Variants in IKZF2 observed in about 807,000 individuals in gnomAD.
IKZF2 encodes the protein zinc finger protein Helios.
IKZF2 carries 15 observed loss-of-function variants against 49.2 expected under a neutral mutation model. The observed-to-expected ratio is 0.30, with a 90% confidence interval of 0.20 to 0.47. The LOEUF (loss-of-function observed/expected upper bound fraction) is 0.47. Among genes scored for constraint, IKZF2 ranks in the 20% least tolerant of loss-of-function variants. The pLI, the probability that IKZF2 is intolerant of heterozygous loss-of-function variation, is 1.00. For synonymous variants in IKZF2, 227 were observed against 221.4 expected (o/e 1.03, Z -0.23); for missense variants, 567 against 664.6 (o/e 0.85, Z 1.61).
chr2:213,016,771 G>C (rs921819333), intron 7 of IKZF2, among the ~76,000 whole-genome samples: 2 of 152,014 alleles, frequency 1.3e-5, no homozygotes, highest in Non-Finnish European at 2.9e-5. Context: ...AAAACCATAA[G>C]TGTATTCCCA....
chr2:213,136,202 T>C (rs1159104140), intron 4 of IKZF2, among the ~76,000 whole-genome samples: 1 of 149,626 alleles, frequency 6.7e-6, no homozygotes, highest in African/African-American at 2.5e-5. Context: ...AAACCCTGTC[T>C]ACACTAAAAA....
At chr2:213,041,688 C>T (rs1477197396) in intron 6 of IKZF2, among the ~76,000 whole-genome samples, 3 of 152,036 alleles carry the variant, frequency 2.0e-5, no homozygotes, top group Non-Finnish European at 4.4e-5. Flanking sequence ...TCTCCTTCCC[C>T]TTCTTAAAAT....
At position 213,049,707 on chromosome 2, in the gene IKZF2, A is replaced by G. The variant is rs1700501538; in HGVS notation, c.574+6T>C. ...CTTTTCTTCTCAAGGAGTTGGTGAC[A>G]CTTACCAGAATGGGTCCTGAGGTGT... On this transcript the variant is annotated splice_donor_region_variant and intron_variant, in intron 6 of 8. Transcript: ENST00000434687. The G allele has an allele frequency of 6.5e-7, 1 of 1,550,072 alleles. No homozygotes were observed. The highest frequency in any genetic ancestry group is 8.7e-7 in the Non-Finnish European group (1 of 1,145,158).
At chr2:213,098,997 C>T (rs947597296) in intron 4 of IKZF2, among the ~76,000 whole-genome samples, 5 of 152,128 alleles carry the variant, frequency 3.3e-5, no homozygotes, top group Admixed American at 6.6e-5. Flanking sequence ...AAACACTGTG[C>T]AAAGGTTATT....
chr2:213,069,328 T>C (rs1245185056), intron 4 of IKZF2, among the ~76,000 whole-genome samples: 1 of 152,160 alleles, frequency 6.6e-6, no homozygotes, highest in Non-Finnish European at 1.5e-5. Flanking sequence ...CCTAAAGTCT[T>C]TGTTTTCTCA....
chr2:213,056,596 T>G (rs1462789790), intron 5 of IKZF2: 4 of 642,082 alleles, frequency 6.2e-6, no homozygotes, highest in Non-Finnish European at 8.4e-6. Flanking sequence ...TATTGCTATA[T>G]TAAGAACTGT....
chr2:213,137,715 T>C (rs2060726502), intron 4 of IKZF2, among the ~76,000 whole-genome samples: 1 of 152,122 alleles, frequency 6.6e-6, no homozygotes, highest in African/African-American at 2.4e-5. Flanking sequence ...AAATATTACT[T>C]GTTAAAATGT....
At chr2:213,021,903 A>G in intron 7 of IKZF2, 90 bp downstream of exon 7, 1 of 1,350,166 alleles carries the variant, frequency 7.4e-7, no homozygotes, top group Non-Finnish European at 1.0e-6. Flanking sequence ...GTGATCTAAA[A>G]TAGTTTTAAA....
At chr2:213,041,067 G>A (rs7559000) in intron 6 of IKZF2, among the ~76,000 whole-genome samples, 3,390 of 151,810 alleles carry the variant, frequency 0.022, 129 homozygotes, top group African/African-American at 0.076. Context: ...GCAGTGAGCC[G>A]AGATCACGCC....
chr2:213,119,192 A>G (rs955302148), intron 4 of IKZF2, among the ~76,000 whole-genome samples: 9 of 152,176 alleles, frequency 5.9e-5, no homozygotes, highest in Non-Finnish European at 1.0e-4. Context: ...CCACAAGGGA[A>G]GTGGGTTTGC....
chr2:213,151,691 G>C (rs2061285046), upstream of IKZF2: 1 of 148,818 alleles, frequency 6.7e-6, no homozygotes, highest in East Asian at 1.9e-4. Context: ...GGCTCGCGCA[G>C]ACGCCCGCGG....
At chr2:213,072,134 T>G (rs114030058) in intron 4 of IKZF2, among the ~76,000 whole-genome samples, 1 of 152,092 alleles carries the variant, frequency 6.6e-6, no homozygotes, top group Non-Finnish European at 1.5e-5. Flanking sequence ...CAGTTCTGTT[T>G]TGAAACAGTG....
intron 4 of IKZF2, among the ~76,000 whole-genome samples, chr2:213,108,794 T>C (rs59285261): frequency 0.046 from 6,933 of 151,644 alleles, 168 homozygotes; most frequent in South Asian, 0.071. Context: ...AAGTAATATA[T>C]GCTTATTGTA....
At chr2:213,074,021 A>T (rs147908615) in intron 4 of IKZF2, among the ~76,000 whole-genome samples, 24 of 152,322 alleles carry the variant, frequency 1.6e-4, no homozygotes, top group Non-Finnish European at 3.2e-4. Context: ...ATTTTGTTGC[A>T]AATATCCAGA....
At position 213,026,504 on chromosome 2, in the gene IKZF2, G is replaced by A. The variant is rs190473667; in HGVS notation, c.575-4374C>T. 2.2e-3 allele frequency among the ~76,000 whole-genome samples: 328 copies of A among 152,216 alleles called. 2 individuals are homozygous for A. The highest frequency in any genetic ancestry group is 3.8e-3 in the Non-Finnish European group (257 of 67,980). ...TAGCAGGGTGCTTTGCTCATAGAAA[G>A]AACTAATAAGTGGAGTTTTTATGAA... On this transcript the variant is annotated intron_variant, in intron 6 of 8. Transcript: ENST00000434687.
At chr2:213,102,744 T>C (rs17292766) in intron 4 of IKZF2, among the ~76,000 whole-genome samples, 44,265 of 152,060 alleles carry the variant, frequency 0.29, 7,334 homozygotes, top group Non-Finnish European at 0.38. Flanking sequence ...TCAATTGTTC[T>C]ATTCTTCTTG....
chr2:213,056,096 G>T lies in IKZF2; in HGVS notation c.406+737C>A, dbSNP rs548843387. ...TTTTAAGAAAAAAAAATTGGCAAAG[G>T]GTTTAAAAAGATTTAAATAAGACCT... On this transcript the variant is annotated intron_variant, in intron 5 of 8. Coordinates refer to ENST00000434687, the MANE Select transcript of IKZF2 (RefSeq NM_001387220.1). Among the ~76,000 whole-genome samples the T allele has an allele frequency of 5.8e-4, 88 of 151,876 alleles. 1 individual carries two copies. The highest frequency in any genetic ancestry group is 2.0e-3 in the African/African-American group (84 of 41,438).
At position 213,105,713 on chromosome 2, in the gene IKZF2, T is replaced by A. The variant is rs545268273; in HGVS notation, c.139+41995A>T. ...CAAAGATCCTTTTTAAATTTGTGAT[T>A]ATCAAATGCTACAAATCAGAATTCT... On this transcript the variant is annotated intron_variant, in intron 4 of 8. Transcript: ENST00000434687. Among the ~76,000 whole-genome samples the A allele has an allele frequency of 2.0e-5, 3 of 152,302 alleles. No individual in the cohort carries two copies. The East Asian group carries it at 5.8e-4, about 29-fold the overall frequency.
chr2:213,069,918 AT>A (rs1702525895), intron 4 of IKZF2, among the ~76,000 whole-genome samples: 1 of 152,052 alleles, frequency 6.6e-6, no homozygotes, highest in Admixed American at 6.6e-5. Flanking sequence ...TCACAGTGCT[AT>A]TTCTAAGTAG....
Sources: allele counts gnomAD v4.1 joint callset (sites outside exome capture counted in the v4.1 genomes callset), GRCh38; gene constraint gnomAD v4.1.1; transcripts MANE v1.5; gene names NCBI Gene and HGNC (gene_info 2026-07-23, HGNC 2026-07-21).